CSRNP3: variants seen among roughly 807,000 people sequenced by gnomAD.
CSRNP3 encodes the protein cysteine/serine-rich nuclear protein 3.
Under a neutral mutation model 48.0 loss-of-function variants are expected in CSRNP3, and 12 were observed. The observed-to-expected ratio is 0.25, with a 90% CI of 0.16 to 0.41. The LOEUF is 0.41. CSRNP3 is among the 10% of genes least tolerant of loss of function. The pLI is 1.00. For synonymous variants in CSRNP3, 263 were observed against 269.7 expected (o/e 0.98, Z 0.24); for missense variants, 580 against 724.4 (o/e 0.80, Z 2.29).
rs115724046 is a variant in CSRNP3, at chr2:165,684,189, C to T, written c.*4436C>T. 247 of 152,182 alleles carry T rather than the reference C, an allele frequency of 1.6e-3. 1 individual carries two copies. Among genetic ancestry groups the T allele is most frequent in the African/African-American group, 5.8e-3 (240 of 41,530 alleles). The allele number at this position is 152,182 out of a possible 1,614,324, so 9.4% of individuals were successfully genotyped here. A position where few individuals can be genotyped will look rare whatever the true frequency, so the allele number is the denominator to read the frequency against. On this transcript the variant is annotated 3_prime_UTR_variant, in exon 7 of 7. Coordinates refer to ENST00000651982, the MANE Select transcript of CSRNP3 (RefSeq NM_001172173.2). ...AAACAGCAAAATCCTGTTGCAAATT[C>T]CAAAGACATCACTTTGCAGCAGGTG...
At chr2:165,649,733 G>C (rs1686874175) in intron 4 of CSRNP3, among the ~76,000 whole-genome samples, 1 of 152,054 alleles carries the variant, frequency 6.6e-6, no homozygotes, top group Non-Finnish European at 1.5e-5. Context: ...TTTTATTTTT[G>C]AATGCTACTT....
chr2:165,614,991 C>T (rs1686213349), intron 4 of CSRNP3, among the ~76,000 whole-genome samples: 1 of 152,056 alleles, frequency 6.6e-6, no homozygotes, highest in Non-Finnish European at 1.5e-5. Flanking sequence ...ATGGTCTATC[C>T]TGGAGAATAT....
intron 4 of CSRNP3, among the ~76,000 whole-genome samples, chr2:165,655,183 G>A (rs961097447): frequency 7.9e-5 from 12 of 152,056 alleles, no homozygotes; most frequent in Admixed American, 4.6e-4. Context: ...AATCAAAATC[G>A]TCTTGAAACC....
intron 2 of CSRNP3, among the ~76,000 whole-genome samples, chr2:165,516,117 A>T (rs1026910436): frequency 2.6e-5 from 4 of 152,054 alleles, no homozygotes; most frequent in African/African-American, 9.7e-5. Flanking sequence ...CAAATATTTT[A>T]TAACTTTTTA....
At chr2:165,678,587 A>G (rs1687467933) in intron 6 of CSRNP3, 114 bp from the exon 7 acceptor site, 5 of 1,249,390 alleles carry the variant, frequency 4.0e-6, no homozygotes, top group Middle Eastern at 2.8e-4. Context: ...TTGCTCTGGC[A>G]TATGTGGAAT....
intron 3 of CSRNP3, among the ~76,000 whole-genome samples, chr2:165,559,800 T>TC (rs1685207503): frequency 7.4e-6 from 1 of 135,244 alleles, no homozygotes; most frequent in Non-Finnish European, 1.6e-5. Flanking sequence ...TTCTTTCTTT[T>TC]TTTTTTTTTT....
rs1331293430 is a variant in CSRNP3 at position 165,678,984 on chromosome 2, T to A, written c.989T>A (p.Leu330Gln). Reference sequence around the variant, plus strand: ...GAGCCCCAGGCTGCAGTGCTGCACCTGCAGTCGGCTGAAGAATTAGATTGC... The same window carrying A: ...GAGCCCCAGGCTGCAGTGCTGCACCAGCAGTCGGCTGAAGAATTAGATTGC... ...ETEPQAAVLHLQSAEELDCQG... is the reference protein window; with the variant it reads ...ETEPQAAVLHQQSAEELDCQG... The change falls in exon 7 of 7, where the codon CTG (leucine) becomes CAG (glutamine). Residue 330 changes from leucine (L) to glutamine (Q), a missense_variant. This residue lies in a region of CSRNP3 where 369 missense variants were observed against 380.8 expected (regional missense o/e 0.97). Transcript: ENST00000651982. The A allele has an allele frequency of 1.9e-6, 3 of 1,614,000 alleles. No individual in the cohort carries two copies. The highest frequency in any genetic ancestry group is 2.5e-6 in the Non-Finnish European group (3 of 1,179,980).
chr2:165,657,362 A>C (rs1379547100), intron 4 of CSRNP3, among the ~76,000 whole-genome samples: 3 of 152,172 alleles, frequency 2.0e-5, no homozygotes, highest in African/African-American at 7.2e-5. Context: ...ATGTATAGGA[A>C]AAAACATAGT....
At chr2:165,677,659 G>A (rs1687449789) in intron 6 of CSRNP3, among the ~76,000 whole-genome samples, 1 of 151,724 alleles carries the variant, frequency 6.6e-6, no homozygotes, top group South Asian at 2.1e-4. Context: ...CAAGATGATT[G>A]TATTAGAATA....
chr2:165,556,217 GGTT>G (rs1685158703), intron 3 of CSRNP3, among the ~76,000 whole-genome samples: 1 of 152,098 alleles, frequency 6.6e-6, no homozygotes, highest in South Asian at 2.1e-4. Flanking sequence ...GGTAATTCCA[GGTT>G]TCTTGGATTC....
At chr2:165,625,990 A>C (rs923931246) in intron 4 of CSRNP3, among the ~76,000 whole-genome samples, 17 of 151,200 alleles carry the variant, frequency 1.1e-4, no homozygotes, top group Admixed American at 4.0e-4. Context: ...TGGGAGGCTG[A>C]GGTGGGTGGA....
intron 4 of CSRNP3, among the ~76,000 whole-genome samples, chr2:165,649,384 A>T (rs1277386728): frequency 6.6e-6 from 1 of 152,238 alleles, no homozygotes; most frequent in South Asian, 2.1e-4. Context: ...AATGGGAAAT[A>T]TTTACAGCTA....
chr2:165,568,146 C>T (rs534539685), intron 3 of CSRNP3, among the ~76,000 whole-genome samples: 1 of 152,002 alleles, frequency 6.6e-6, no homozygotes, highest in South Asian at 2.1e-4. Context: ...ATTTCATGCC[C>T]CCATTGTTTT....
chr2:165,483,854 C>T (rs887685091), intron 1 of CSRNP3, among the ~76,000 whole-genome samples: 2 of 152,260 alleles, frequency 1.3e-5, no homozygotes, highest in South Asian at 2.1e-4. Flanking sequence ...CCCCTAATAA[C>T]ACCACCTTGG....
intron 3 of CSRNP3, among the ~76,000 whole-genome samples, chr2:165,552,295 A>C (rs1234270088): frequency 6.6e-6 from 1 of 152,200 alleles, no homozygotes; most frequent in East Asian, 1.9e-4. Flanking sequence ...ACAGGATTCC[A>C]CTTCCTGGTG....
chr2:165,679,159 C>T lies in CSRNP3; in HGVS notation c.1164C>T (p.Asp388=), dbSNP rs375174523. ...EEEEEEDDDD[D]KGDGFVEGLG... ...AGGAGGAGGAGGATGACGATGATGA[C>T]AAAGGAGATGGCTTCGTGGAAGGTT... is the stretch of plus-strand genomic sequence containing the variant. Residue 388 remains aspartate (D), a synonymous_variant, in exon 7 of 7, where the codon GAC becomes GAT. Coordinates refer to ENST00000651982, the MANE Select transcript of CSRNP3 (RefSeq NM_001172173.2). The T allele has an allele frequency of 6.8e-6, 11 of 1,613,792 alleles. No individual in the cohort carries two copies. The African/African-American group carries it at 8.0e-5, about 12-fold the overall frequency.
intron 4 of CSRNP3, among the ~76,000 whole-genome samples, chr2:165,651,780 C>T (rs560719491): frequency 4.6e-5 from 7 of 151,772 alleles, no homozygotes; most frequent in Non-Finnish European, 8.8e-5. Context: ...CTCAGCCTCC[C>T]GAGTAGCTGG....
chr2:165,657,718 C>T (rs1687027981), intron 4 of CSRNP3, 43 bp from the exon 5 acceptor site: 1 of 1,599,676 alleles, frequency 6.3e-7, no homozygotes, highest in Admixed American at 1.7e-5. Context: ...TGTCTGAAAA[C>T]TGCTGCCCCA....
At chr2:165,517,193 A>T in intron 2 of CSRNP3, among the ~76,000 whole-genome samples, 1 of 152,020 alleles carries the variant, frequency 6.6e-6, no homozygotes, top group East Asian at 1.9e-4. Flanking sequence ...CTGGGTAAAT[A>T]AAAAGTATAT....
Sources: allele counts gnomAD v4.1 joint callset (sites outside exome capture counted in the v4.1 genomes callset), GRCh38; gene constraint gnomAD v4.1.1; regional missense constraint gnomAD v4.1.1; transcripts MANE v1.5; gene names NCBI Gene and HGNC (gene_info 2026-07-23, HGNC 2026-07-21).